Variants in CACNA1D observed in about 807,000 individuals in gnomAD.
The protein encoded by CACNA1D is voltage-dependent L-type calcium channel subunit alpha-1D.
In CACNA1D, 55 loss-of-function variants were observed where a neutral mutation model predicts 257.1. That is an observed-to-expected ratio of 0.21 (90% CI 0.17 to 0.27). The LOEUF (loss-of-function observed/expected upper bound fraction) is 0.27. Ranked by LOEUF, CACNA1D falls within the 10% of genes least tolerant of loss-of-function variation. The pLI is 1.00. For synonymous variants in CACNA1D, 980 were observed against 1,014.9 expected, an observed-to-expected ratio of 0.97 and a Z score of 0.65; for missense variants, 1,876 against 2,784.0, an observed-to-expected ratio of 0.67 and a Z score of 7.34.
chr3:53,589,025 C>T (rs1332668882), intron 3 of CACNA1D, among the ~76,000 whole-genome samples: 1 of 152,212 alleles, frequency 6.6e-6, no homozygotes, highest in African/African-American at 2.4e-5. Context: ...TTACGCATCA[C>T]GGCAGATGTG....
chr3:53,672,053 A>G lies in CACNA1D; in HGVS notation c.1117-970A>G, dbSNP rs111281918. On this transcript the variant is annotated intron_variant, in intron 7 of 47. Transcript: ENST00000350061. The stretch of plus-strand genomic sequence containing the variant: ...TTAACATTGACCTGTGCTGCTGGAA[A>G]GTTCCATCCAGCTGTGATCCTTAAA... Among the ~76,000 whole-genome samples the G allele has an allele frequency of 1.2e-4, 19 of 152,378 alleles. 1 individual carries two copies. The highest frequency in any genetic ancestry group is 4.6e-4 in the African/African-American group (19 of 41,596).
chr3:53,776,487 T>A (rs2095397975), intron 35 of CACNA1D, 116 bp from the exon 36 acceptor site: 1 of 1,258,870 alleles, frequency 7.9e-7, no homozygotes, highest in Non-Finnish European at 1.1e-6. Context: ...TTTTTACAAC[T>A]TCTCTTGGAG....
At chr3:53,638,237 A>G (rs996325740) in intron 3 of CACNA1D, among the ~76,000 whole-genome samples, 3 of 152,186 alleles carry the variant, frequency 2.0e-5, no homozygotes, top group Non-Finnish European at 4.4e-5. Context: ...ATAGCAAACC[A>G]TAGAGAGTTT....
intron 3 of CACNA1D, among the ~76,000 whole-genome samples, chr3:53,507,391 T>C (rs2090901172): frequency 6.6e-6 from 1 of 151,128 alleles, no homozygotes; most frequent in Non-Finnish European, 1.5e-5. Flanking sequence ...GGAGGATTGC[T>C]GGAGGCCAGG....
chr3:53,655,002 A>G (rs1481312657), intron 4 of CACNA1D, among the ~76,000 whole-genome samples: 1 of 152,114 alleles, frequency 6.6e-6, no homozygotes, highest in Non-Finnish European at 1.5e-5. Flanking sequence ...AGAAAGGATA[A>G]TGGCCTTTCT....
At chr3:53,545,915 C>T (rs192540909) in intron 3 of CACNA1D, among the ~76,000 whole-genome samples, 6 of 152,282 alleles carry the variant, frequency 3.9e-5, no homozygotes, top group East Asian at 1.9e-4. Flanking sequence ...TGCCTTCATG[C>T]ACCCTTCTTA....
intron 20 of CACNA1D, among the ~76,000 whole-genome samples, chr3:53,735,911 C>T (rs996431088): frequency 1.8e-4 from 27 of 152,330 alleles, no homozygotes; most frequent in African/African-American, 6.3e-4. Flanking sequence ...ACCACATGCC[C>T]AGGCTGTCTT....
Position 53,770,016 on chromosome 3 carries a change from G to T in CACNA1D, c.3914G>T (p.Gly1305Val). 1.2e-6 allele frequency: 2 copies of T among 1,612,570 alleles called. No individual in the cohort carries two copies. Among genetic ancestry groups the T allele is most frequent in the Non-Finnish European group, 1.7e-6 (2 of 1,178,550 alleles). The change falls in exon 31 of 48, where the codon GGG (glycine) becomes GTG (valine). Residue 1305 changes from glycine (G) to valine (V), a missense_variant and splice_region_variant. Around this residue, in one of 10 missense-constraint regions of CACNA1D, gnomAD observed 204 missense variants for 309.4 expected, o/e 0.66. Coordinates refer to ENST00000350061, the MANE Select transcript of CACNA1D (RefSeq NM_001128840.3). ...GTCCCTGTCCCAACTGCTACACCTGGGGTAAGATCAGTGACTAGTCCCCAG... is the reference window on the plus strand; with the variant it reads ...GTCCCTGTCCCAACTGCTACACCTGTGGTAAGATCAGTGACTAGTCCCCAG... ...ENVPVPTATP[G>V]NSEESNRISI...
chr3:53,746,883 G>A (rs138170556), intron 25 of CACNA1D, among the ~76,000 whole-genome samples: 162 of 152,266 alleles, frequency 1.1e-3, no homozygotes, highest in African/African-American at 3.8e-3. Context: ...GAAGAGAAAG[G>A]GATTTGATTA....
chr3:53,512,967 G>A (rs1392882085), intron 3 of CACNA1D, among the ~76,000 whole-genome samples: 1 of 152,176 alleles, frequency 6.6e-6, no homozygotes, highest in African/African-American at 2.4e-5. Context: ...ACCATAGATT[G>A]CCACATTTAT....
At chr3:53,674,578 G>A (rs934071994) in intron 8 of CACNA1D, among the ~76,000 whole-genome samples, 4 of 152,226 alleles carry the variant, frequency 2.6e-5, no homozygotes, top group African/African-American at 9.6e-5. Context: ...GCCTGGAAAG[G>A]GAACTCCTTA....
intron 29 of CACNA1D, 64 bp from the exon 30 acceptor site, chr3:53,761,918 TCGGATTCGCCCCTATA>T (rs2095305091): frequency 1.0e-6 from 1 of 991,292 alleles, no homozygotes; most frequent in African/African-American, 1.6e-5. Context: ...CGGCAGGGAC[TCGGATTCGCCCCTATA>T]CGGTCCGTGT....
intron 3 of CACNA1D, among the ~76,000 whole-genome samples, chr3:53,642,398 C>G (rs1403906410): frequency 6.6e-6 from 1 of 152,220 alleles, no homozygotes; most frequent in Non-Finnish European, 1.5e-5. Flanking sequence ...TTATGCCTAT[C>G]CCCGAACCAA....
At chr3:53,672,496 A>C (rs1283852880) in intron 7 of CACNA1D, among the ~76,000 whole-genome samples, 2 of 152,200 alleles carry the variant, frequency 1.3e-5, no homozygotes, top group Admixed American at 6.5e-5. Flanking sequence ...GGAGTTTTTA[A>C]AAAGAGTTTA....
chr3:53,646,877 A>C (rs1469140730), intron 3 of CACNA1D, among the ~76,000 whole-genome samples: 3 of 152,212 alleles, frequency 2.0e-5, no homozygotes, highest in Admixed American at 6.5e-5. Context: ...TTCTTAAAAT[A>C]GGAAAGGAAA....
At chr3:53,628,880 A>T (rs1393966787) in intron 3 of CACNA1D, among the ~76,000 whole-genome samples, 1 of 152,230 alleles carries the variant, frequency 6.6e-6, no homozygotes, top group Non-Finnish European at 1.5e-5. Context: ...AAAATATTAT[A>T]CCATTCATCT....
chr3:53,770,502 A>C lies in CACNA1D; in HGVS notation c.3994A>C (p.Arg1332=), dbSNP rs774350101. ...RVMRLVKLLS[R]GEGIRTLLWT... ...GATGCGATTGGTGAAGCTTCTCAGC[A>C]GGGGGGAAGGCATCCGGACATTGCT... The change falls in exon 32 of 48, where the codon AGG becomes CGG. Residue 1332 remains arginine (R), a synonymous_variant. Coordinates refer to ENST00000350061, the MANE Select transcript of CACNA1D (RefSeq NM_001128840.3). 1 of 1,613,624 alleles carries C rather than the reference A, an allele frequency of 6.2e-7. No homozygotes were observed. Among genetic ancestry groups the C allele is most frequent in the African/African-American group, 1.3e-5 (1 of 74,886 alleles).
At chr3:53,531,665 C>T (rs2091955378) in intron 3 of CACNA1D, among the ~76,000 whole-genome samples, 1 of 152,166 alleles carries the variant, frequency 6.6e-6, no homozygotes, top group Admixed American at 6.5e-5. Context: ...ATGAATTCTT[C>T]CCATCACACC....
At chr3:53,544,823 ACT>A (rs1331271928) in intron 3 of CACNA1D, among the ~76,000 whole-genome samples, 1 of 152,100 alleles carries the variant, frequency 6.6e-6, no homozygotes, top group Non-Finnish European at 1.5e-5. Context: ...TAGCTGTGCT[ACT>A]CTCAAGCGCT....
Sources: allele counts gnomAD v4.1 joint callset (sites outside exome capture counted in the v4.1 genomes callset), GRCh38; gene constraint gnomAD v4.1.1; regional missense constraint gnomAD v4.1.1; transcripts MANE v1.5; gene names NCBI Gene and HGNC (gene_info 2026-07-23, HGNC 2026-07-21).